The following STK32B variants were observed in gnomAD, a reference collection of about 807,000 sequenced individuals.
STK32B encodes serine/threonine-protein kinase 32B.
In STK32B, 43 loss-of-function variants were observed where a neutral mutation model predicts 52.6. The ratio of observed to expected loss-of-function variants is 0.82; its 90% CI spans 0.64 to 1.05. STK32B has a LOEUF of 1.05. STK32B is among the 50% of genes least tolerant of loss of function. The probability of loss-of-function intolerance (pLI) is 0.00; values close to 1 mark genes in which losing one functional copy is unlikely to be tolerated. For missense variants in STK32B, 621 were observed against 534.6 expected, an observed-to-expected ratio of 1.16 and a Z score of -1.59; for synonymous variants, 238 against 204.3, an observed-to-expected ratio of 1.17 and a Z score of -1.41.
intron 7 of STK32B, 179 bp downstream of exon 7, chr4:5,446,955 C>T: frequency 1.7e-6 from 1 of 581,322 alleles, no homozygotes; most frequent in Non-Finnish European, 3.1e-6. Context: ...AACTTCTGGT[C>T]CAACCCACTC....
intron 1 of STK32B, among the ~76,000 whole-genome samples, chr4:5,118,988 C>T (rs1266002845): frequency 2.0e-5 from 3 of 152,160 alleles, no homozygotes; most frequent in African/African-American, 2.4e-5. Context: ...CCTTTTTGGA[C>T]GTTTTGTTTT....
At chr4:5,269,590 A>G (rs1193408729) in intron 3 of STK32B, among the ~76,000 whole-genome samples, 2 of 152,218 alleles carry the variant, frequency 1.3e-5, no homozygotes, top group Non-Finnish European at 2.9e-5. Context: ...TTAAGTGGTT[A>G]TTATAACTGT....
intron 3 of STK32B, among the ~76,000 whole-genome samples, chr4:5,305,799 G>A (rs545127371): frequency 3.9e-5 from 6 of 152,070 alleles, no homozygotes; most frequent in African/African-American, 9.6e-5. Flanking sequence ...ACCTTAGATT[G>A]TCTACTGGTG....
intron 3 of STK32B, among the ~76,000 whole-genome samples, chr4:5,244,412 T>C (rs1055761141): frequency 5.3e-5 from 8 of 152,256 alleles, no homozygotes; most frequent in East Asian, 3.9e-4. Context: ...TCTGTGGGAT[T>C]GGTGGTGATA....
At chr4:5,186,601 C>T (rs1302487233) in intron 3 of STK32B, among the ~76,000 whole-genome samples, 4 of 152,132 alleles carry the variant, frequency 2.6e-5, no homozygotes, top group African/African-American at 9.7e-5. Flanking sequence ...TTCAAACACC[C>T]ACCATGCCCT....
At chr4:5,246,248 A>T (rs1333137160) in intron 3 of STK32B, among the ~76,000 whole-genome samples, 1 of 152,048 alleles carries the variant, frequency 6.6e-6, no homozygotes, top group East Asian at 1.9e-4. Context: ...ATAGTCCCAT[A>T]TTTCTTGGAA....
At chr4:5,230,126 C>T (rs917039056) in intron 3 of STK32B, among the ~76,000 whole-genome samples, 7 of 149,528 alleles carry the variant, frequency 4.7e-5, no homozygotes, top group Non-Finnish European at 4.4e-5. Flanking sequence ...CTCCCAAAAC[C>T]TAGTACTTTA....
At chr4:5,439,977 A>G (rs1166093250) in intron 6 of STK32B, among the ~76,000 whole-genome samples, 1 of 152,218 alleles carries the variant, frequency 6.6e-6, no homozygotes, top group Non-Finnish European at 1.5e-5. Context: ...CTGTTTTGGT[A>G]CAAGTACCAT....
chr4:5,409,488 A>C (rs1002461468), intron 5 of STK32B, among the ~76,000 whole-genome samples: 8 of 152,206 alleles, frequency 5.3e-5, no homozygotes, highest in Admixed American at 1.3e-4. Context: ...AGCACTAATG[A>C]ACGTCAGAAG....
At chr4:5,483,225 T>C (rs1414432172) in intron 11 of STK32B, among the ~76,000 whole-genome samples, 1 of 151,430 alleles carries the variant, frequency 6.6e-6, no homozygotes, top group Non-Finnish European at 1.5e-5. Context: ...CCTGGACTCT[T>C]TTTGGTTGGT....
At position 5,078,781 on chromosome 4, in the gene STK32B, A is replaced by AC. The variant is rs1290517205; in HGVS notation, c.52+26871dup. Among the ~76,000 whole-genome samples, 8 of 151,598 alleles carry AC rather than the reference A, an allele frequency of 5.3e-5. No individual in the cohort carries two copies. In the East Asian group the frequency reaches 1.6e-3, roughly 29 times the overall value. On this transcript the variant is annotated intron_variant, in intron 1 of 11. Transcript: ENST00000282908. The stretch of plus-strand genomic sequence containing the variant: ...CTCCCCTGCCCACCTTTCCCAGAAG[A>AC]CCCCCTCCACCCTCTATTACTCTTC...
intron 3 of STK32B, among the ~76,000 whole-genome samples, chr4:5,223,344 T>C (rs1723657575): frequency 6.6e-6 from 1 of 152,104 alleles, no homozygotes; most frequent in Non-Finnish European, 1.5e-5. Context: ...AGTGGAATCA[T>C]GAAGGCAGGT....
At chr4:5,272,691 C>T (rs1232138875) in intron 3 of STK32B, among the ~76,000 whole-genome samples, 5 of 151,284 alleles carry the variant, frequency 3.3e-5, no homozygotes, top group Non-Finnish European at 5.9e-5. Context: ...ACGCCGCCTA[C>T]CTACAACTAT....
At chr4:5,032,608 C>T in the STK32B span, among the ~76,000 whole-genome samples, 2 of 151,742 alleles carry the variant, frequency 1.3e-5, no homozygotes, top group African/African-American at 4.8e-5. Context: ...TTATTTTCCC[C>T]CATACCTATG....
chr4:5,479,232 G>A (rs1039619141), intron 11 of STK32B, among the ~76,000 whole-genome samples: 8 of 150,862 alleles, frequency 5.3e-5, no homozygotes, highest in Non-Finnish European at 1.0e-4. Flanking sequence ...CAATTCTCCT[G>A]CCTTAGCCTC....
intron 4 of STK32B, among the ~76,000 whole-genome samples, chr4:5,334,171 TCTC>T (rs1253480212): frequency 6.6e-6 from 1 of 151,968 alleles, no homozygotes; most frequent in Non-Finnish European, 1.5e-5. Context: ...GGTTTGTAGT[TCTC>T]CTTGAAGAGG....
At chr4:5,434,798 C>T (rs1281807739) in intron 6 of STK32B, among the ~76,000 whole-genome samples, 2 of 152,114 alleles carry the variant, frequency 1.3e-5, no homozygotes, top group African/African-American at 4.8e-5. Flanking sequence ...ACATGAATAG[C>T]ATATGTAAAG....
intron 3 of STK32B, among the ~76,000 whole-genome samples, chr4:5,309,105 A>G (rs911656783): frequency 6.6e-6 from 1 of 152,150 alleles, no homozygotes; most frequent in Non-Finnish European, 1.5e-5. Flanking sequence ...CACCAACAAA[A>G]AACTAGTGGG....
intron 3 of STK32B, among the ~76,000 whole-genome samples, chr4:5,195,716 G>A (rs55727241): frequency 0.13 from 20,260 of 152,130 alleles, 1,474 homozygotes; most frequent in Middle Eastern, 0.2. Context: ...GTGATTACCT[G>A]TGTTCTAGAT....
Sources: gnomAD v4.1 joint callset for allele counts (sites outside exome capture counted in the v4.1 genomes callset) on GRCh38, gnomAD v4.1.1 for gene constraint, MANE v1.5 for transcripts, NCBI Gene and HGNC (gene_info 2026-07-23, HGNC 2026-07-21) for gene names.